AFF2: variants seen among roughly 807,000 people sequenced by gnomAD.
AFF2 encodes ALF transcription elongation factor 2.
A neutral mutation model predicts 76.9 loss-of-function variants in AFF2; 14 were observed. The ratio of observed to expected loss-of-function variants is 0.18; its 90% confidence interval spans 0.12 to 0.28. AFF2 has a LOEUF of 0.28. AFF2 is among the 10% of genes least tolerant of loss of function. AFF2 has a pLI of 1.00. For missense variants in AFF2, 868 were observed against 1,001.1 expected, an observed-to-expected ratio of 0.87 and a Z score of 1.79; for synonymous variants, 398 against 366.7, an observed-to-expected ratio of 1.09 and a Z score of -0.98.
intron 3 of AFF2, among the ~76,000 whole-genome samples, chrX:148,773,519 G>A (rs1181681393): frequency 1.8e-5 from 2 of 109,016 alleles, no homozygotes; most frequent in African/African-American, 6.7e-5. Context: ...AGTAGTAAAT[G>A]AGATTCATCT....
chrX:148,644,643 A>G (rs186600743), intron 1 of AFF2, among the ~76,000 whole-genome samples: 1 of 112,423 alleles, frequency 8.9e-6, no homozygotes, highest in African/African-American at 3.2e-5. Context: ...CCAGCAATGT[A>G]TGTTTCTACA....
At chrX:148,658,857 C>A (rs2054278186) in intron 2 of AFF2, among the ~76,000 whole-genome samples, 1 of 112,177 alleles carries the variant, frequency 8.9e-6, no homozygotes. Context: ...TCAGCCATTG[C>A]AAATTCTTTA....
intron 7 of AFF2, among the ~76,000 whole-genome samples, chrX:148,853,308 G>A (rs2070752687): frequency 9.0e-6 from 1 of 111,168 alleles, no homozygotes. Flanking sequence ...AGGAGACAGG[G>A]GAGGGAGCCA....
chrX:148,838,487 G>T (rs782580976), intron 5 of AFF2, among the ~76,000 whole-genome samples: 6 of 111,710 alleles, frequency 5.4e-5, no homozygotes, highest in African/African-American at 1.6e-4. Context: ...ACTCAGAGTC[G>T]TATCTAACAC....
chrX:148,629,385 A>G (rs1557252707), intron 1 of AFF2, among the ~76,000 whole-genome samples: 1 of 112,317 alleles, frequency 8.9e-6, no homozygotes. Context: ...TATGAAGTCA[A>G]ATATTTGATT....
chrX:148,566,684 G>A (rs2053174401), intron 1 of AFF2, among the ~76,000 whole-genome samples: 1 of 110,726 alleles, frequency 9.0e-6, no homozygotes, highest in African/African-American at 3.3e-5. Flanking sequence ...GGGTGTGCAA[G>A]GTCTCTATCC....
intron 3 of AFF2, among the ~76,000 whole-genome samples, chrX:148,726,501 G>A (rs1167890537): frequency 2.7e-5 from 3 of 111,948 alleles, no homozygotes; most frequent in Non-Finnish European, 3.8e-5. Context: ...AGCAGTCTCA[G>A]GCCTGCCACT....
intron 18 of AFF2, among the ~76,000 whole-genome samples, chrX:148,979,311 G>A (rs1015776313): frequency 8.9e-6 from 1 of 112,231 alleles, no homozygotes; most frequent in Non-Finnish European, 1.9e-5. Flanking sequence ...GCTTTATGAC[G>A]ACACTGTGGC....
At chrX:148,771,855 A>T (rs1469563941) in intron 3 of AFF2, among the ~76,000 whole-genome samples, 3 of 111,784 alleles carry the variant, frequency 2.7e-5, no homozygotes, top group East Asian at 2.8e-4. Context: ...AAAGGGTGTA[A>T]TTTTAAGTAG....
Position 148,565,113 on chromosome X carries a change from G to T in AFF2, c.47+63969G>T, listed in dbSNP as rs782167895. Among the ~76,000 whole-genome samples, 3 of 111,918 alleles carry T rather than the reference G, an allele frequency of 2.7e-5. No homozygotes were observed. The South Asian group carries it at 1.1e-3, about 42-fold the overall frequency. ...TAGGAGAAAATTATGCTAGTGACAG[G>T]ACTGCTAGTCTCAACCTAGGAAACT... is the stretch of plus-strand genomic sequence containing the variant. On this transcript the variant is annotated intron_variant, in intron 1 of 20. Transcript: ENST00000370460.
chrX:148,613,280 A>G (rs954111266), intron 1 of AFF2, among the ~76,000 whole-genome samples: 1 of 111,896 alleles, frequency 8.9e-6, no homozygotes, highest in Non-Finnish European at 1.9e-5. Context: ...CTTGGTGGGA[A>G]TTGTCTGAAG....
At chrX:148,589,556 C>T (rs933685399) in intron 1 of AFF2, among the ~76,000 whole-genome samples, 10 of 112,170 alleles carry the variant, frequency 8.9e-5, no homozygotes, top group Non-Finnish European at 1.7e-4. Flanking sequence ...TTCATGTAGA[C>T]CTCACTGCAT....
intron 1 of AFF2, among the ~76,000 whole-genome samples, chrX:148,620,684 C>T (rs185161402): frequency 1.0e-3 from 114 of 110,876 alleles, no homozygotes; most frequent in Middle Eastern, 4.6e-3. Context: ...TTTTACGTAT[C>T]CCTACCTTAT....
chrX:148,760,885 T>G (rs1248149388), intron 3 of AFF2, among the ~76,000 whole-genome samples: 1 of 112,017 alleles, frequency 8.9e-6, no homozygotes, highest in East Asian at 2.8e-4. Flanking sequence ...TAAGCTGACA[T>G]TCAATGCCAA....
chrX:148,714,131 G>T (rs2124532787), intron 3 of AFF2, among the ~76,000 whole-genome samples: 1 of 112,086 alleles, frequency 8.9e-6, no homozygotes, highest in South Asian at 3.7e-4. Context: ...CTTAAGTTCT[G>T]TAAATCATGT....
At chrX:148,793,308 A>G (rs782326051) in intron 3 of AFF2, among the ~76,000 whole-genome samples, 3 of 111,589 alleles carry the variant, frequency 2.7e-5, no homozygotes, top group South Asian at 3.8e-4. Context: ...AAGTGCATCA[A>G]AAAGGTGCCC....
intron 3 of AFF2, among the ~76,000 whole-genome samples, chrX:148,783,628 G>A (rs782235797): frequency 1.8e-5 from 2 of 111,579 alleles, no homozygotes; most frequent in East Asian, 5.6e-4. Context: ...TAACACTACT[G>A]GAGCTCATTC....
chrX:148,643,014 GT>G (rs2054105635), intron 1 of AFF2, among the ~76,000 whole-genome samples: 1 of 112,100 alleles, frequency 8.9e-6, no homozygotes, highest in African/African-American at 3.2e-5. Context: ...ATTAGATCTA[GT>G]AACTCTTTAA....
At chrX:148,735,092 A>G (rs1339540632) in intron 3 of AFF2, among the ~76,000 whole-genome samples, 5 of 112,328 alleles carry the variant, frequency 4.5e-5, no homozygotes, top group African/African-American at 1.6e-4. Flanking sequence ...ACAGATATGC[A>G]CAAGTGGCTT....
Sources: allele counts gnomAD v4.1 joint callset (sites outside exome capture counted in the v4.1 genomes callset), GRCh38; gene constraint gnomAD v4.1.1; transcripts MANE v1.5; gene names NCBI Gene and HGNC (gene_info 2026-07-23, HGNC 2026-07-21).